Variants in KIAA0319 observed in about 807,000 individuals in gnomAD.
KIAA0319 encodes the protein dyslexia-associated protein KIAA0319.
A neutral mutation model predicts 108.4 loss-of-function variants in KIAA0319; 83 were observed. The observed-to-expected ratio is 0.77, with a 90% CI of 0.64 to 0.92. The LOEUF (loss-of-function observed/expected upper bound fraction) is 0.92, where lower values mean the gene tolerates loss of function less well. KIAA0319 is among the 40% of genes least tolerant of loss of function. The pLI, the probability that KIAA0319 is intolerant of heterozygous loss-of-function variation, is 0.00. For missense variants in KIAA0319, 1,195 were observed against 1,322.4 expected (o/e 0.90, Z 1.49); for synonymous variants, 484 against 510.4 (o/e 0.95, Z 0.70).
chr6:24,590,609 T>A (rs1466220340), intron 3 of KIAA0319, among the ~76,000 whole-genome samples: 5 of 152,182 alleles, frequency 3.3e-5, no homozygotes, highest in Admixed American at 6.5e-5. Context: ...AATTTTTTTT[T>A]AATCAAGTCC....
At chr6:24,590,858 A>T (rs1284102259) in intron 3 of KIAA0319, among the ~76,000 whole-genome samples, 1 of 152,156 alleles carries the variant, frequency 6.6e-6, no homozygotes, top group African/African-American at 2.4e-5. Context: ...AGAACTACTC[A>T]CTAAGTCATC....
intron 6 of KIAA0319, among the ~76,000 whole-genome samples, chr6:24,581,756 AG>A (rs1461541467): frequency 6.6e-6 from 1 of 152,224 alleles, no homozygotes; most frequent in Non-Finnish European, 1.5e-5. Flanking sequence ...ACCCAAATAA[AG>A]AAACGCCATC....
rs375336381 is a variant in KIAA0319, at chr6:24,582,362, A to C, written c.1094-16T>G. 33 of 1,452,642 alleles carry C rather than the reference A, an allele frequency of 2.3e-5. No homozygotes were observed. Among genetic ancestry groups the C allele is most frequent in the Middle Eastern group, 1.7e-4 (1 of 5,762 alleles). The allele number at this position is 1,452,642 out of a possible 1,614,324, so 90.0% of individuals were successfully genotyped here. ...TAGGTTGTTTCTGAGAGCAAAAAAT[A>C]AATATGAGTAGTTATAAATTCTGAG... On this transcript the variant is annotated splice_polypyrimidine_tract_variant and intron_variant, in intron 5 of 20. Coordinates refer to ENST00000378214, the MANE Select transcript of KIAA0319 (RefSeq NM_014809.4).
chr6:24,556,381 G>T (rs1314856805), intron 18 of KIAA0319, among the ~76,000 whole-genome samples: 2 of 152,052 alleles, frequency 1.3e-5, no homozygotes, highest in South Asian at 2.1e-4. Flanking sequence ...TGTTGTCCAA[G>T]CTGGTTTGGA....
intron 1 of KIAA0319, among the ~76,000 whole-genome samples, chr6:24,630,683 G>GTATATATATATATATATATA (rs563881076): frequency 9.9e-5 from 10 of 100,692 alleles, no homozygotes; most frequent in African/African-American, 3.1e-4. Flanking sequence ...GTGTATATGT[G>GTATATATATATATATATATA]TATATATATA....
At chr6:24,602,800 C>A (rs1770843142) in intron 1 of KIAA0319, among the ~76,000 whole-genome samples, 1 of 150,314 alleles carries the variant, frequency 6.7e-6, no homozygotes, top group African/African-American at 2.4e-5. Flanking sequence ...GACCCCGTCT[C>A]AAAAAAAACA....
intron 4 of KIAA0319, 117 bp downstream of exon 4, chr6:24,588,476 A>G: frequency 1.2e-6 from 1 of 827,522 alleles, no homozygotes; most frequent in East Asian, 2.4e-5. Context: ...TTTCTGGCAC[A>G]TGATAGATGC....
At chr6:24,555,050 T>A (rs1762092085) in intron 18 of KIAA0319, among the ~76,000 whole-genome samples, 1 of 152,232 alleles carries the variant, frequency 6.6e-6, no homozygotes, top group Admixed American at 6.5e-5. Flanking sequence ...TATGGCTGTT[T>A]ATGGCATGAA....
At chr6:24,543,096 A>G (rs1760268317), downstream of KIAA0319, among the ~76,000 whole-genome samples, 1 of 152,244 alleles carries the variant, frequency 6.6e-6, no homozygotes, top group South Asian at 2.1e-4. Flanking sequence ...GTTCACGGCA[A>G]TAAAGTCTCT....
At chr6:24,574,800 GA>G (rs3838253) in intron 10 of KIAA0319, among the ~76,000 whole-genome samples, 1 of 150,432 alleles carries the variant, frequency 6.6e-6, no homozygotes, top group South Asian at 2.1e-4. Flanking sequence ...AAGAACTTTT[GA>G]AAAAAAAATA....
At chr6:24,628,808 A>G (rs1424388453) in intron 1 of KIAA0319, among the ~76,000 whole-genome samples, 1 of 151,732 alleles carries the variant, frequency 6.6e-6, no homozygotes, top group African/African-American at 2.4e-5. Context: ...CTGTCCCTCT[A>G]TTGTCACATG....
chr6:24,584,229 C>T (rs182754664), intron 4 of KIAA0319, among the ~76,000 whole-genome samples: 167 of 152,176 alleles, frequency 1.1e-3, no homozygotes, highest in African/African-American at 3.8e-3. Flanking sequence ...CCTATTTTAA[C>T]TTAAGCAGCA....
intron 3 of KIAA0319, among the ~76,000 whole-genome samples, chr6:24,589,331 C>T (rs997551315): frequency 4.6e-5 from 7 of 152,130 alleles, no homozygotes; most frequent in African/African-American, 1.7e-4. Context: ...AGAACCCAAC[C>T]CTGCTGGCAT....
At chr6:24,548,273 G>A (rs1760925569) in intron 20 of KIAA0319, among the ~76,000 whole-genome samples, 1 of 152,122 alleles carries the variant, frequency 6.6e-6, no homozygotes, top group Admixed American at 6.6e-5. Flanking sequence ...ATAGAGGGGT[G>A]AGAAAAATGG....
rs766972047 is a variant in KIAA0319 at position 24,600,651 on chromosome 6, C to T, written c.55+398G>A. 3 of 1,534,994 alleles carry T rather than the reference C, an allele frequency of 2.0e-6. No individual in the cohort carries two copies. The African/African-American group carries it at 4.1e-5, about 21-fold the overall frequency. ...CGGCCAGCCCAGTCTAGTCATGGGT[C>T]TTCTTAAATGATGCTCACCAGTGAT... On this transcript the variant is annotated intron_variant, in intron 2 of 20. Transcript: ENST00000378214.
At chr6:24,630,508 C>CAAAAAA (rs66787757) in intron 1 of KIAA0319, among the ~76,000 whole-genome samples, 3 of 104,446 alleles carry the variant, frequency 2.9e-5, no homozygotes, top group Admixed American at 1.0e-4. Context: ...GATTCTGTCT[C>CAAAAAA]AAAAAAAAAA....
In KIAA0319 at chr6:24,598,708, T is replaced by C. The variant is rs545919729; in HGVS notation, c.56-2090A>G. 3.5e-5 allele frequency: 9 copies of C among 257,940 alleles called. No individual in the cohort carries two copies. The South Asian group carries it at 3.6e-4, about 10-fold the overall frequency. 16.0% of individuals were successfully genotyped at this position (257,940 alleles called of 1,614,324 possible). A position where few individuals can be genotyped will look rare whatever the true frequency, so the allele number is the denominator to read the frequency against. On this transcript the variant is annotated intron_variant, in intron 2 of 20. Coordinates refer to ENST00000378214, the MANE Select transcript of KIAA0319 (RefSeq NM_014809.4). ...CTGACCAACATGGTGAAACCCTGTCTCTACTAAAAATACAAAAATTAACTG... is the reference window on the plus strand; with the variant it reads ...CTGACCAACATGGTGAAACCCTGTCCCTACTAAAAATACAAAAATTAACTG...
chr6:24,612,874 A>C (rs941622259), intron 1 of KIAA0319, among the ~76,000 whole-genome samples: 1 of 151,944 alleles, frequency 6.6e-6, no homozygotes, highest in Non-Finnish European at 1.5e-5. Context: ...TCTCCGCTCA[A>C]TGCAAGCTCC....
At position 24,588,649 on chromosome 6, in the gene KIAA0319, G is replaced by T. The variant is rs749643777; in HGVS notation, c.938C>A (p.Pro313His). Residue 313 changes from proline (P) to histidine (H), a missense_variant, in exon 4 of 21, where the codon CCC becomes CAC. Pro to His is a moderately conservative substitution (Grantham distance 77). Transcript: ENST00000378214. ...TAGCTCAGATGGGGTGGACTCAGAG[G>T]GGGCTGCGCTAGTGGGAGGTGTTGG... ...SIPTPPTSAA[P>H]SESTPSELPI... The T allele has an allele frequency of 1.2e-6, 2 of 1,613,864 alleles. No individual in the cohort carries two copies. Among genetic ancestry groups the T allele is most frequent in the African/African-American group, 1.3e-5 (1 of 74,864 alleles).
Sources: gnomAD v4.1 joint callset for allele counts (sites outside exome capture counted in the v4.1 genomes callset) on GRCh38, gnomAD v4.1.1 for gene constraint, MANE v1.5 for transcripts, NCBI Gene and HGNC (gene_info 2026-07-23, HGNC 2026-07-21) for gene names.